The following DNM3 variants were observed in gnomAD, a reference collection of about 807,000 sequenced individuals.
DNM3 encodes the protein dynamin-3.
In DNM3, 47 loss-of-function variants were observed where a neutral mutation model predicts 101.6. The ratio of observed to expected loss-of-function variants is 0.46; its 90% CI spans 0.37 to 0.59. The LOEUF is 0.59. Among genes scored for constraint, DNM3 ranks in the 20% least tolerant of loss-of-function variants. The pLI is 0.00. For synonymous variants in DNM3, 385 were observed against 387.9 expected (o/e 0.99, Z 0.09); for missense variants, 849 against 1,085.7 (o/e 0.78, Z 3.06).
At chr1:172,123,553 G>T (rs1461186815) in intron 13 of DNM3, among the ~76,000 whole-genome samples, 1 of 152,156 alleles carries the variant, frequency 6.6e-6, no homozygotes, top group Non-Finnish European at 1.5e-5. Flanking sequence ...ACTTGTCCCT[G>T]AAAACTGCAG....
chr1:171,864,628 G>A (rs1352425047), intron 1 of DNM3: 1 of 152,220 alleles, frequency 6.6e-6, no homozygotes, highest in African/African-American at 2.4e-5. Context: ...GAAGCACAAA[G>A]AGATCATAGT....
intron 4 of DNM3, among the ~76,000 whole-genome samples, chr1:172,008,828 A>T (rs2046878278): frequency 7.2e-6 from 1 of 138,862 alleles, no homozygotes; most frequent in African/African-American, 2.7e-5. Context: ...AATATGTATT[A>T]TATAATATAT....
intron 14 of DNM3, among the ~76,000 whole-genome samples, chr1:172,142,364 G>A (rs1486559582): frequency 6.6e-6 from 1 of 152,132 alleles, no homozygotes; most frequent in East Asian, 1.9e-4. Flanking sequence ...ATTCAGCAGA[G>A]CTTTATAAAA....
intron 14 of DNM3, among the ~76,000 whole-genome samples, chr1:172,206,788 T>G (rs1328471968): frequency 6.6e-6 from 1 of 152,140 alleles, no homozygotes; most frequent in Non-Finnish European, 1.5e-5. Context: ...CTTTGAGAAC[T>G]GCTGACCTGA....
intron 13 of DNM3, among the ~76,000 whole-genome samples, chr1:172,119,420 C>T (rs2056153488): frequency 6.6e-6 from 1 of 152,116 alleles, no homozygotes; most frequent in East Asian, 1.9e-4. Flanking sequence ...TTTGACCTTT[C>T]AATCCTTTCG....
intron 16 of DNM3, chr1:172,309,711 G>A (rs970233227): frequency 2.6e-5 from 4 of 152,178 alleles, no homozygotes; most frequent in Admixed American, 2.0e-4. Flanking sequence ...GTCCTTTTTA[G>A]GTTCAAAATA....
chr1:172,359,247 AGCCAGCC>A (rs1254059361), intron 17 of DNM3, among the ~76,000 whole-genome samples: 1 of 151,932 alleles, frequency 6.6e-6, no homozygotes, highest in African/African-American at 2.4e-5. Context: ...CGCATAGACC[AGCCAGCC>A]GTTGTGTAAG....
intron 15 of DNM3, among the ~76,000 whole-genome samples, chr1:172,305,307 C>T (rs1293618893): frequency 6.6e-6 from 1 of 152,168 alleles, no homozygotes. Context: ...TTCCTGGACA[C>T]ATACACCATC....
At chr1:171,934,322 A>G (rs1392417095) in intron 2 of DNM3, among the ~76,000 whole-genome samples, 1 of 152,258 alleles carries the variant, frequency 6.6e-6, no homozygotes, top group Non-Finnish European at 1.5e-5. Context: ...GCATCCTTGC[A>G]TTCCTAAGAT....
intron 14 of DNM3, among the ~76,000 whole-genome samples, chr1:172,227,802 A>G (rs1031951286): frequency 1.3e-5 from 2 of 152,144 alleles, no homozygotes; most frequent in African/African-American, 4.8e-5. Context: ...AGGCTGTGCC[A>G]GTTAATATTC....
At chr1:172,209,823 T>C (rs2060451805) in intron 14 of DNM3, among the ~76,000 whole-genome samples, 1 of 152,122 alleles carries the variant, frequency 6.6e-6, no homozygotes, top group Non-Finnish European at 1.5e-5. Context: ...ATGTCTGGGT[T>C]TAAATAGCTA....
At chr1:172,374,322 A>G (rs2068494152) in intron 17 of DNM3, among the ~76,000 whole-genome samples, 1 of 152,078 alleles carries the variant, frequency 6.6e-6, no homozygotes, top group Admixed American at 6.6e-5. Context: ...GGAATAGTTG[A>G]AAAAGTTATC....
At chr1:172,199,434 C>A (rs1375587596) in intron 14 of DNM3, among the ~76,000 whole-genome samples, 1 of 151,896 alleles carries the variant, frequency 6.6e-6, no homozygotes, top group Non-Finnish European at 1.5e-5. Flanking sequence ...CCATTTTGTC[C>A]ATGTCGAGTT....
At chr1:172,145,036 GA>G (rs2148188718) in intron 14 of DNM3, among the ~76,000 whole-genome samples, 1 of 152,178 alleles carries the variant, frequency 6.6e-6, no homozygotes, top group South Asian at 2.1e-4. Context: ...AACTGGGCAG[GA>G]AGTGGGCCCC....
intron 6 of DNM3, among the ~76,000 whole-genome samples, chr1:172,037,650 A>T (rs1221674601): frequency 1.3e-5 from 2 of 152,138 alleles, no homozygotes; most frequent in African/African-American, 4.8e-5. Context: ...GGTTCTTGGA[A>T]AAGTTTTCAT....
At chr1:172,004,532 T>A (rs976196331) in intron 4 of DNM3, among the ~76,000 whole-genome samples, 2 of 151,872 alleles carry the variant, frequency 1.3e-5, no homozygotes, top group Admixed American at 6.6e-5. Context: ...TGTGTGTGTT[T>A]GTGTTGAAAA....
chr1:171,971,802 A>G (rs2044013744), intron 2 of DNM3, among the ~76,000 whole-genome samples: 2 of 152,340 alleles, frequency 1.3e-5, no homozygotes, highest in South Asian at 4.1e-4. Context: ...TCATGGTATT[A>G]AGCTTCATAC....
intron 4 of DNM3, among the ~76,000 whole-genome samples, chr1:172,018,354 T>A (rs2047593192): frequency 6.6e-6 from 1 of 152,222 alleles, no homozygotes; most frequent in Non-Finnish European, 1.5e-5. Flanking sequence ...TCTTCTTTCT[T>A]AGTATATAAG....
intron 13 of DNM3, among the ~76,000 whole-genome samples, chr1:172,095,964 G>A (rs951277063): frequency 1.3e-5 from 2 of 152,174 alleles, no homozygotes; most frequent in African/African-American, 4.8e-5. Flanking sequence ...GTGTCAAAAT[G>A]TGTGGTGGGT....
Sources: allele counts gnomAD v4.1 joint callset (sites outside exome capture counted in the v4.1 genomes callset), GRCh38; gene constraint gnomAD v4.1.1; transcripts MANE v1.5; gene names NCBI Gene and HGNC (gene_info 2026-07-23, HGNC 2026-07-21).